The following GALNT12 variants were observed in gnomAD, a reference collection of about 807,000 sequenced individuals.
The protein encoded by GALNT12 is polypeptide N-acetylgalactosaminyltransferase 12.
In GALNT12, 45 loss-of-function variants were observed where a neutral mutation model predicts 55.5. The ratio of observed to expected loss-of-function variants is 0.81; its 90% CI spans 0.64 to 1.04. GALNT12 has a LOEUF of 1.04. Among genes scored for constraint, GALNT12 ranks in the 50% least tolerant of loss-of-function variants. The pLI, the probability that GALNT12 is intolerant of heterozygous loss-of-function variation, is 0.00. For missense variants in GALNT12, 709 were observed against 754.8 expected, an observed-to-expected ratio of 0.94 and a Z score of 0.71; for synonymous variants, 304 against 312.2, an observed-to-expected ratio of 0.97 and a Z score of 0.28.
At chr9:98,836,584 C>T (rs1282138224) in intron 5 of GALNT12, among the ~76,000 whole-genome samples, 1 of 152,172 alleles carries the variant, frequency 6.6e-6, no homozygotes, top group Non-Finnish European at 1.5e-5. Flanking sequence ...TTCCTTTCCC[C>T]CTTCCAAACC....
At chr9:98,839,784 C>A (rs187168988) in intron 6 of GALNT12, among the ~76,000 whole-genome samples, 1 of 152,300 alleles carries the variant, frequency 6.6e-6, no homozygotes, top group African/African-American at 2.4e-5. Context: ...CAACAGAGCA[C>A]CTAGGAATGG....
chr9:98,840,531 C>T (rs1465554121), intron 7 of GALNT12, among the ~76,000 whole-genome samples: 1 of 152,064 alleles, frequency 6.6e-6, no homozygotes, highest in Admixed American at 6.6e-5. Context: ...TCGAGTATTT[C>T]AAAAAACCTA....
At chr9:98,817,501 T>C (rs1835639696) in intron 1 of GALNT12, among the ~76,000 whole-genome samples, 1 of 152,176 alleles carries the variant, frequency 6.6e-6, no homozygotes, top group Admixed American at 6.5e-5. Context: ...TTTGCTCTTG[T>C]TGCCCAGGCT....
At position 98,831,788 on chromosome 9, in the gene GALNT12, T is replaced by C. The variant is rs1836002276; in HGVS notation, c.748T>C (p.Ser250Pro). The change falls in exon 4 of 10, where the codon TCG (serine) becomes CCG (proline). Residue 250 changes from serine (S) to proline (P), a missense_variant. By Grantham distance (74) the Ser-to-Pro change is moderately conservative. Transcript: ENST00000375011. Reference protein sequence around the residue: ...PLLQRIHEEESAVVCPVIDVI... With the variant: ...PLLQRIHEEEPAVVCPVIDVI... ...TGCTTTCAGGATCCATGAAGAGGAGTCGGCAGTGGTGTGCCCGGTGATTGA... is the reference window on the plus strand; with the variant it reads ...TGCTTTCAGGATCCATGAAGAGGAGCCGGCAGTGGTGTGCCCGGTGATTGA... 1 of 1,613,720 alleles carries C rather than the reference T, an allele frequency of 6.2e-7. No individual in the cohort carries two copies. Among genetic ancestry groups the C allele is most frequent in the East Asian group, 2.2e-5 (1 of 44,852 alleles).
intron 1 of GALNT12, among the ~76,000 whole-genome samples, chr9:98,816,089 TTTC>T (rs1475352524): frequency 6.6e-6 from 1 of 152,230 alleles, no homozygotes; most frequent in Non-Finnish European, 1.5e-5. Flanking sequence ...TATACTATAT[TTTC>T]TTCTTGTTCG....
chr9:98,835,603 C>G (rs983302479), intron 5 of GALNT12, among the ~76,000 whole-genome samples: 1 of 152,200 alleles, frequency 6.6e-6, no homozygotes, highest in Non-Finnish European at 1.5e-5. Context: ...GGAAATGAAA[C>G]CAGGAGAGAG....
In GALNT12 at chr9:98,826,799, G is replaced by C; in HGVS notation, c.589G>C (p.Val197Leu). 1 of 1,612,078 alleles carries C rather than the reference G, an allele frequency of 6.2e-7. No homozygotes were observed. Among genetic ancestry groups the C allele is most frequent in the South Asian group, 1.1e-5 (1 of 90,744 alleles). Reference sequence around the variant, plus strand: ...CAATGAGCTTTCGGGACTGCCCAAGGTGCGCCTGATCCGCGCCAACAAGAG... The same window carrying C: ...CAATGAGCTTTCGGGACTGCCCAAGCTGCGCCTGATCCGCGCCAACAAGAG... ...LANELSGLPK[V>L]RLIRANKREG... Residue 197 changes from valine to leucine, a missense_variant, in exon 3 of 10, where the codon GTG becomes CTG. Around this residue, in one of 5 missense-constraint regions of GALNT12, gnomAD observed 315 missense variants for 288.6 expected, o/e 1.09. Coordinates refer to ENST00000375011, the MANE Select transcript of GALNT12 (RefSeq NM_024642.5).
intron 7 of GALNT12, among the ~76,000 whole-genome samples, chr9:98,842,421 T>C (rs542285999): frequency 6.6e-6 from 1 of 152,220 alleles, no homozygotes; most frequent in East Asian, 1.9e-4. Context: ...ACTCCTGAGC[T>C]CAAGCATTTC....
intron 7 of GALNT12, among the ~76,000 whole-genome samples, chr9:98,842,067 G>A (rs534701589): frequency 1.3e-5 from 1 of 75,750 alleles, no homozygotes; most frequent in Admixed American, 1.5e-4. Flanking sequence ...GTATCTACTG[G>A]GTTGTTTTTT....
intron 5 of GALNT12, among the ~76,000 whole-genome samples, chr9:98,836,677 G>T (rs1836155031): frequency 6.6e-6 from 1 of 152,102 alleles, no homozygotes; most frequent in Non-Finnish European, 1.5e-5. Context: ...TGAGTAAGTG[G>T]GTTGCCAGCG....
intron 1 of GALNT12, among the ~76,000 whole-genome samples, chr9:98,810,253 C>T (rs952858141): frequency 7.2e-5 from 11 of 152,112 alleles, no homozygotes; most frequent in Admixed American, 2.0e-4. Context: ...AATGAGGGTC[C>T]TTGAATGTTG....
intron 6 of GALNT12, among the ~76,000 whole-genome samples, chr9:98,838,860 C>G (rs1836218557): frequency 6.6e-6 from 1 of 152,202 alleles, no homozygotes; most frequent in Non-Finnish European, 1.5e-5. Context: ...AACTGAAGCT[C>G]AGAGAGACGC....
chr9:98,811,683 C>CTTTTT (rs34942139), intron 1 of GALNT12, among the ~76,000 whole-genome samples: 1 of 132,042 alleles, frequency 7.6e-6, no homozygotes, highest in Admixed American at 7.8e-5. Flanking sequence ...CGAAGTCGTT[C>CTTTTT]TTTTTTTTTT....
rs372282217 is a variant in GALNT12 at position 98,807,984 on chromosome 9, G to A, written c.286G>A (p.Glu96Lys). The change falls in exon 1 of 10, where the codon GAG becomes AAG. Residue 96 changes from glutamate (E) to lysine (K), a missense_variant. Glu to Lys is a moderately conservative substitution (Grantham distance 56, BLOSUM62 1). This residue lies in a region of GALNT12 where 315 missense variants were observed against 288.6 expected (regional missense o/e 1.09). Coordinates refer to ENST00000375011, the MANE Select transcript of GALNT12 (RefSeq NM_024642.5). The part of the protein sequence containing the change: ...LQGEELRLQE[E>K]SVRLHQINIY... Reference sequence around the variant, plus strand: ...GGGCGAGGAGCTGCGGCTGCAGGAGGAGAGCGTGCGGCTGCACCAGATTAA... The same window carrying A: ...GGGCGAGGAGCTGCGGCTGCAGGAGAAGAGCGTGCGGCTGCACCAGATTAA... 2.6e-6 allele frequency: 4 copies of A among 1,518,722 alleles called. No individual in the cohort carries two copies. Among genetic ancestry groups the A allele is most frequent in the Non-Finnish European group, 3.5e-6 (4 of 1,135,186 alleles). 94.1% of individuals were successfully genotyped at this position (1,518,722 alleles called of 1,614,324 possible). A position where few individuals can be genotyped will look rare whatever the true frequency, so the allele number is the denominator to read the frequency against.
In GALNT12 at chr9:98,823,257, T is replaced by C. The variant is rs758912709; in HGVS notation, c.373T>C (p.Cys125Arg). The C allele has an allele frequency of 6.2e-7, 1 of 1,614,134 alleles. No homozygotes were observed. The highest frequency in any genetic ancestry group is 1.3e-5 in the African/African-American group (1 of 75,050). ...RRLPERWNPL[C>R]KEKKYDYDNL... ...CCTGAAGTTCCGCTGTATTTGCAGG[T>C]GCAAAGAGAAGAAATATGATTATGA... Residue 125 changes from cysteine to arginine, a missense_variant and splice_region_variant, in exon 2 of 10, where the codon TGC becomes CGC. Physicochemically the swap from Cys to Arg is radical, Grantham distance 180. Transcript: ENST00000375011.
At chr9:98,822,506 C>T (rs781497421) in intron 1 of GALNT12, among the ~76,000 whole-genome samples, 1 of 152,188 alleles carries the variant, frequency 6.6e-6, no homozygotes, top group African/African-American at 2.4e-5. Flanking sequence ...GGGCTCAGCC[C>T]CACCCCACCA....
intron 6 of GALNT12, among the ~76,000 whole-genome samples, chr9:98,838,158 T>C (rs1836198091): frequency 6.6e-6 from 1 of 152,236 alleles, no homozygotes; most frequent in Non-Finnish European, 1.5e-5. Flanking sequence ...TAGAGCCTTC[T>C]TGTTAGCACC....
Position 98,823,538 on chromosome 9 carries a change from A to G in GALNT12, c.541+113A>G, listed in dbSNP as rs1835793744. 3 of 884,464 alleles carry G rather than the reference A, an allele frequency of 3.4e-6. No individual in the cohort carries two copies. The Admixed American group carries it at 5.5e-5, about 16-fold the overall frequency. 54.8% of individuals were successfully genotyped at this position (884,464 alleles called of 1,614,324 possible). ...GGCCCAGTAAGGATGGGCTTCCTGTATCCTCCTGTACCCAAGGAAGACCTC... is the reference window on the plus strand; with the variant it reads ...GGCCCAGTAAGGATGGGCTTCCTGTGTCCTCCTGTACCCAAGGAAGACCTC... On this transcript the variant is annotated intron_variant, in intron 2 of 9. Coordinates refer to ENST00000375011, the MANE Select transcript of GALNT12 (RefSeq NM_024642.5).
chr9:98,832,337 T>C (rs1836018714), intron 4 of GALNT12, among the ~76,000 whole-genome samples: 1 of 152,028 alleles, frequency 6.6e-6, no homozygotes, highest in Non-Finnish European at 1.5e-5. Flanking sequence ...CTGGGCAACA[T>C]AGCAAGAACC....
Sources: gnomAD v4.1 joint callset for allele counts (sites outside exome capture counted in the v4.1 genomes callset) on GRCh38, gnomAD v4.1.1 for gene constraint, gnomAD v4.1.1 regional missense constraint, MANE v1.5 for transcripts, NCBI Gene and HGNC (gene_info 2026-07-23, HGNC 2026-07-21) for gene names.